PHF2: variants seen among roughly 807,000 people sequenced by gnomAD.
The protein encoded by PHF2 is PHD finger protein 2.
PHF2 carries 27 observed loss-of-function variants against 120.5 expected under a neutral mutation model. The observed-to-expected ratio is 0.22, with a 90% CI of 0.17 to 0.31. The LOEUF (loss-of-function observed/expected upper bound fraction) is 0.31, where lower values mean the gene tolerates loss of function less well. Among genes scored for constraint, PHF2 ranks in the 10% least tolerant of loss-of-function variants. The probability of loss-of-function intolerance (pLI) is 1.00; values close to 1 mark genes in which losing one functional copy is unlikely to be tolerated. For missense variants in PHF2, 1,024 were observed against 1,434.8 expected (o/e 0.71, Z 4.63); for synonymous variants, 568 against 592.5 (o/e 0.96, Z 0.60).
intron 13 of PHF2, among the ~76,000 whole-genome samples, chr9:93,663,313 A>C (rs1231115183): frequency 6.6e-6 from 1 of 152,100 alleles, no homozygotes; most frequent in Admixed American, 6.5e-5. Context: ...TTCCCACTCC[A>C]TGGGGGTCAG....
At position 93,679,461 on chromosome 9, in the gene PHF2, A is replaced by G. The variant is rs1826982273; in HGVS notation, c.*1785A>G. The G allele has an allele frequency of 3.2e-6, 1 of 311,842 alleles. No individual in the cohort carries two copies. Among genetic ancestry groups the G allele is most frequent in the Non-Finnish European group, 6.2e-6 (1 of 160,578 alleles). The allele number at this position is 311,842 out of a possible 1,614,324, so 19.3% of individuals were successfully genotyped here. A position where few individuals can be genotyped will look rare whatever the true frequency, so the allele number is the denominator to read the frequency against. ...TTGGCAACATGTACATTTCTAACAA[A>G]GTTTATCGTGGCTATTAAAGTGTTT... On this transcript the variant is annotated 3_prime_UTR_variant, in exon 22 of 22. Transcript: ENST00000359246.
intron 1 of PHF2, among the ~76,000 whole-genome samples, chr9:93,587,116 G>A (rs1277387606): frequency 6.6e-6 from 1 of 152,214 alleles, no homozygotes. Flanking sequence ...GAGGCATGGA[G>A]TATAGGGCAA....
At chr9:93,604,245 G>A (rs1825496961) in intron 1 of PHF2, among the ~76,000 whole-genome samples, 1 of 152,082 alleles carries the variant, frequency 6.6e-6, no homozygotes, top group Non-Finnish European at 1.5e-5. Flanking sequence ...TGAGTGAGTT[G>A]GCTCTCGACT....
intron 9 of PHF2, among the ~76,000 whole-genome samples, chr9:93,657,639 AGAGCCCTG>A (rs983009472): frequency 7.2e-5 from 11 of 152,170 alleles, no homozygotes; most frequent in Non-Finnish European, 1.2e-4. Flanking sequence ...CTGGTGCGTC[AGAGCCCTG>A]GAGCCCTGGA....
intron 1 of PHF2, among the ~76,000 whole-genome samples, chr9:93,590,758 C>T (rs900761064): frequency 6.6e-6 from 1 of 152,228 alleles, no homozygotes. Context: ...CTCCCTGCAG[C>T]ATCCTTCCCC....
At chr9:93,598,189 A>G (rs945618062) in intron 1 of PHF2, among the ~76,000 whole-genome samples, 11 of 152,360 alleles carry the variant, frequency 7.2e-5, no homozygotes, top group Admixed American at 5.2e-4. Context: ...AGAAGTCCAG[A>G]TGCCTCTAAG....
At chr9:93,658,546 G>T (rs1287562179) in intron 10 of PHF2, among the ~76,000 whole-genome samples, 1 of 152,186 alleles carries the variant, frequency 6.6e-6, no homozygotes, top group East Asian at 1.9e-4. Context: ...GTGACCAGGT[G>T]CTGGTGTGTC....
At chr9:93,645,489 G>A (rs903459079) in intron 3 of PHF2, 140 bp from the exon 4 acceptor site, 21 of 826,518 alleles carry the variant, frequency 2.5e-5, no homozygotes, top group African/African-American at 3.4e-5. Context: ...GTGGCACCAC[G>A]GCCAGGCCTC....
At chr9:93,626,762 G>A (rs1324029290) in intron 1 of PHF2, among the ~76,000 whole-genome samples, 2 of 152,204 alleles carry the variant, frequency 1.3e-5, no homozygotes, top group Non-Finnish European at 2.9e-5. Flanking sequence ...TGTATGTGGT[G>A]TGAGGTAGAC....
At chr9:93,590,236 G>A (rs1825189704) in intron 1 of PHF2, among the ~76,000 whole-genome samples, 4 of 152,214 alleles carry the variant, frequency 2.6e-5, no homozygotes, top group Admixed American at 2.6e-4. Flanking sequence ...ATGGTTTAAT[G>A]TGCAGTTATC....
At chr9:93,635,562 C>T (rs1231151781) in intron 2 of PHF2, among the ~76,000 whole-genome samples, 1 of 152,220 alleles carries the variant, frequency 6.6e-6, no homozygotes, top group Non-Finnish European at 1.5e-5. Context: ...GAATACAAGG[C>T]TGGGAGCTAG....
chr9:93,669,680 A>G (rs1826746875), intron 17 of PHF2, among the ~76,000 whole-genome samples: 2 of 152,190 alleles, frequency 1.3e-5, no homozygotes, highest in South Asian at 4.1e-4. Context: ...CTCAGAGAGC[A>G]GTGGGTTCGG....
chr9:93,608,999 T>A (rs1383064135), intron 1 of PHF2, among the ~76,000 whole-genome samples: 1 of 151,652 alleles, frequency 6.6e-6, no homozygotes, highest in Non-Finnish European at 1.5e-5. Context: ...TAATCTTTTT[T>A]ATGCCTTCTC....
At chr9:93,624,711 ATGAT>A in intron 1 of PHF2, among the ~76,000 whole-genome samples, 1 of 140,156 alleles carries the variant, frequency 7.1e-6, no homozygotes, top group East Asian at 2.2e-4. Context: ...GGTAGAGGTG[ATGAT>A]GATGATGGTG....
chr9:93,633,814 G>A (rs947303001), intron 2 of PHF2, among the ~76,000 whole-genome samples: 2 of 152,058 alleles, frequency 1.3e-5, no homozygotes, highest in Admixed American at 1.3e-4. Flanking sequence ...CGGGGAGGAC[G>A]CCCCCACCCT....
At position 93,654,496 on chromosome 9, in the gene PHF2, C is replaced by A. The variant is rs755922190; in HGVS notation, c.873C>A (p.Ser291Arg). The stretch of plus-strand genomic sequence containing the variant: ...GCTGGCGGTCTGCCTCTAACCACAG[C>A]GAGATGTTCTTTGCTGACCAGGTCG... ...YERWRSASNHSEMFFADQVDK... is the reference protein window; with the variant it reads ...YERWRSASNHREMFFADQVDK... Residue 291 changes from serine (S) to arginine (R), a missense_variant, in exon 7 of 22, where the codon AGC becomes AGA. Physicochemically the swap from Ser to Arg is moderately radical, Grantham distance 110. Coordinates refer to ENST00000359246, the MANE Select transcript of PHF2 (RefSeq NM_005392.4). 6 of 1,613,966 alleles carry A rather than the reference C, an allele frequency of 3.7e-6. No homozygotes were observed. The African/African-American group carries it at 6.7e-5, about 18-fold the overall frequency.
At chr9:93,665,010 A>G (rs562654143) in intron 14 of PHF2, among the ~76,000 whole-genome samples, 1 of 152,292 alleles carries the variant, frequency 6.6e-6, no homozygotes, top group Non-Finnish European at 1.5e-5. Context: ...TGTCCCTGCT[A>G]CTATATAGAG....
chr9:93,648,928 CCTAGAGCCTCCG>C, intron 4 of PHF2, 131 bp from the exon 5 acceptor site: 2 of 847,046 alleles, frequency 2.4e-6, no homozygotes, highest in South Asian at 3.3e-5. Context: ...GACGTTGGCA[CCTAGAGCCTCCG>C]CATCCAGCCC....
rs1463450868 is a variant in PHF2 at position 93,673,790 on chromosome 9, A to G, written c.2554A>G (p.Asn852Asp). 10 of 1,613,084 alleles carry G rather than the reference A, an allele frequency of 6.2e-6. No individual in the cohort carries two copies. The highest frequency in any genetic ancestry group is 1.6e-4 in the Middle Eastern group (1 of 6,080). ...ACGACTGCTGAAGAGGGCTGCCAAGAACAGTGTCGACCTGGACGACTACGA... is the reference window on the plus strand; with the variant it reads ...ACGACTGCTGAAGAGGGCTGCCAAGGACAGTGTCGACCTGGACGACTACGA... ...GKRLLKRAAK[N>D]SVDLDDYEEE... Residue 852 changes from asparagine (N) to aspartate (D), a missense_variant, in exon 18 of 22, where the codon AAC (asparagine) becomes GAC (aspartate). Around this residue, in one of 2 missense-constraint regions of PHF2, gnomAD observed 677 missense variants for 857.4 expected, o/e 0.79. Transcript: ENST00000359246.
Sources: gnomAD v4.1 joint callset for allele counts (sites outside exome capture counted in the v4.1 genomes callset) on GRCh38, gnomAD v4.1.1 for gene constraint, gnomAD v4.1.1 regional missense constraint, MANE v1.5 for transcripts, NCBI Gene and HGNC (gene_info 2026-07-23, HGNC 2026-07-21) for gene names.